SIX4: variants seen among roughly 807,000 people sequenced by gnomAD.
The protein encoded by SIX4 is homeobox protein SIX4.
Under a neutral mutation model 51.5 loss-of-function variants are expected in SIX4, and 23 were observed. The observed-to-expected ratio is 0.45, with a 90% CI of 0.32 to 0.63. The LOEUF (loss-of-function observed/expected upper bound fraction) is 0.63, where lower values mean the gene tolerates loss of function less well. Among genes scored for constraint, SIX4 ranks in the 30% least tolerant of loss-of-function variants. The probability of loss-of-function intolerance (pLI) is 0.04; values close to 1 mark genes in which losing one functional copy is unlikely to be tolerated. For synonymous variants in SIX4, 413 were observed against 417.3 expected, an observed-to-expected ratio of 0.99 and a Z score of 0.13; for missense variants, 867 against 984.0, an observed-to-expected ratio of 0.88 and a Z score of 1.59.
chr14:60,724,264 T>G lies in SIX4; in HGVS notation c.-190A>C, dbSNP rs1896097857. Reference sequence around the variant, plus strand: ...CCCGGCCACGCAGTCACCATTAAGATAGCTGTTAGAGCAAAGTAGTGTAAA... The same window carrying G: ...CCCGGCCACGCAGTCACCATTAAGAGAGCTGTTAGAGCAAAGTAGTGTAAA... On this transcript the variant is annotated 5_prime_UTR_variant, in exon 1 of 3. Coordinates refer to ENST00000216513, the MANE Select transcript of SIX4 (RefSeq NM_017420.5). 24 of 1,533,352 alleles carry G rather than the reference T, an allele frequency of 1.6e-5. No individual in the cohort carries two copies. The highest frequency in any genetic ancestry group is 2.0e-5 in the Non-Finnish European group (23 of 1,145,468). The allele number at this position is 1,533,352 out of a possible 1,614,324, so 95.0% of individuals were successfully genotyped here. A position where few individuals can be genotyped will look rare whatever the true frequency, so the allele number is the denominator to read the frequency against.
At position 60,714,115 on chromosome 14, in the gene SIX4, G is replaced by C. The variant is rs755679632; in HGVS notation, c.1638C>G (p.Ser546Arg). 5.0e-6 allele frequency: 8 copies of C among 1,613,974 alleles called. No homozygotes were observed. The East Asian group carries it at 1.8e-4, about 36-fold the overall frequency. Residue 546 changes from serine (S) to arginine (R), a missense_variant, in exon 3 of 3, where the codon AGC (serine) becomes AGG (arginine). By Grantham distance (110) the Ser-to-Arg change is moderately radical (BLOSUM62 -1). Transcript: ENST00000216513. ...TTVQQGKVFL[S>R]SLAPSAVVYT... ...ATACCACTGCACTGGGAGCAAGAGA[G>C]CTCAAGAAAACCTTTCCTTGCTGGA...
At position 60,723,748 on chromosome 14, in the gene SIX4, C is replaced by G. The variant is rs767837836; in HGVS notation, c.327G>C (p.Ser109=). 12 of 1,542,718 alleles carry G rather than the reference C, an allele frequency of 7.8e-6. No homozygotes were observed. Among genetic ancestry groups the G allele is most frequent in the Non-Finnish European group, 7.0e-6 (8 of 1,147,382 alleles). The part of the protein sequence containing the change: ...AAAAQTPLAF[S]PDHVACVCEA... Reference sequence around the variant, plus strand: ...CGCACACGCAGGCGACGTGGTCGGGCGAGAAGGCCAGCGGGGTCTGCGCGG... The same window carrying G: ...CGCACACGCAGGCGACGTGGTCGGGGGAGAAGGCCAGCGGGGTCTGCGCGG... The change falls in exon 1 of 3, where the codon TCG becomes TCC. Residue 109 remains serine (S), a synonymous_variant. Coordinates refer to ENST00000216513, the MANE Select transcript of SIX4 (RefSeq NM_017420.5).
rs767902496 is a variant in SIX4, at chr14:60,723,595, G to T, written c.480C>A (p.Gly160=). ...KARALVAFHQ[G]IYPELYSILE... is the part of the protein sequence containing the mutation. ...GGATGCTGTAGAGCTCGGGGTAGAT[G>T]CCCTGGTGGAAGGCCACGAGCGCCC... Residue 160 remains glycine, a synonymous_variant, in exon 1 of 3, where the codon GGC becomes GGA. Transcript: ENST00000216513. 1.2e-6 allele frequency: 2 copies of T among 1,611,088 alleles called. No individual in the cohort carries two copies. Among genetic ancestry groups the T allele is most frequent in the East Asian group, 2.2e-5 (1 of 44,724 alleles).
In SIX4 at chr14:60,724,302, T is replaced by A; in HGVS notation, c.-228A>T. 6.6e-7 allele frequency: 1 copy of A among 1,517,252 alleles called. No individual in the cohort carries two copies. Among genetic ancestry groups the A allele is most frequent in the Non-Finnish European group, 8.8e-7 (1 of 1,135,006 alleles). The allele number at this position is 1,517,252 out of a possible 1,614,324, so 94.0% of individuals were successfully genotyped here. A position where few individuals can be genotyped will look rare whatever the true frequency, so the allele number is the denominator to read the frequency against. On this transcript the variant is annotated 5_prime_UTR_variant, in exon 1 of 3. It introduces an in-frame stop codon into an upstream open reading frame of the 5' UTR. Transcript: ENST00000216513. ...AAAGTAGTGTAAACGGATAGCTGCT[T>A]TCTGCCGTTCCCCCAACGTGACTCC... is the stretch of plus-strand genomic sequence containing the variant.
In SIX4 at chr14:60,713,748, G is replaced by T. The variant is rs150247816; in HGVS notation, c.2005C>A (p.Leu669Ile). The T allele has an allele frequency of 2.1e-5, 34 of 1,614,094 alleles. No homozygotes were observed. The highest frequency in any genetic ancestry group is 2.9e-5 in the Non-Finnish European group (34 of 1,180,054). ...GACAATAGGTCTTGACCAGTAATAA[G>T]GGAGCAGTTCTGAAGAGTTGCATAG... is the stretch of plus-strand genomic sequence containing the variant. ...TNYATLQNCS[L>I]ITGQDLLSVP... The change falls in exon 3 of 3, where the codon CTT becomes ATT. Residue 669 changes from leucine to isoleucine, a missense_variant. Coordinates refer to ENST00000216513, the MANE Select transcript of SIX4 (RefSeq NM_017420.5).
In SIX4 at chr14:60,724,095, C is replaced by T. The variant is rs550379199; in HGVS notation, c.-21G>A. ...GACATTTTTTGTTGTTTATTTTCCTCCCTCCCTCACTCCCTCGCACTCTTT... is the reference window on the plus strand; with the variant it reads ...GACATTTTTTGTTGTTTATTTTCCTTCCTCCCTCACTCCCTCGCACTCTTT... On this transcript the variant is annotated 5_prime_UTR_variant, in exon 1 of 3. Coordinates refer to ENST00000216513, the MANE Select transcript of SIX4 (RefSeq NM_017420.5). 8 of 1,564,310 alleles carry T rather than the reference C, an allele frequency of 5.1e-6. No homozygotes were observed. The East Asian group carries it at 1.8e-4, about 35-fold the overall frequency.
At position 60,720,285 on chromosome 14, in the gene SIX4, A is replaced by G. The variant is rs1895997920; in HGVS notation, c.1024T>C (p.Ser342Pro). 6.2e-6 allele frequency: 10 copies of G among 1,614,082 alleles called. No individual in the cohort carries two copies. Among genetic ancestry groups the G allele is most frequent in the South Asian group, 1.1e-5 (1 of 91,084 alleles). Reference protein sequence around the residue: ...YMQQIGNAKISLSSSGVLLNG... With the variant: ...YMQQIGNAKIPLSSSGVLLNG... ...AACAGAACTCCAGAAGAGCTTAATGATATCTTAGCATTTCCAATTTGTTGC... is the reference window on the plus strand; with the variant it reads ...AACAGAACTCCAGAAGAGCTTAATGGTATCTTAGCATTTCCAATTTGTTGC... Residue 342 changes from serine (S) to proline (P), a missense_variant, in exon 2 of 3, where the codon TCA becomes CCA. Ser to Pro is a moderately conservative substitution (Grantham distance 74). Transcript: ENST00000216513. The surrounding 1 kb of genome is among the most constrained non-coding windows in gnomAD (Gnocchi z 5.5).
chr14:60,721,075 A>C (rs1228186607), intron 1 of SIX4: 1 of 985,534 alleles, frequency 1.0e-6, no homozygotes, highest in Non-Finnish European at 1.2e-6. Context: ...ACCCAAGAAC[A>C]GTTATGTGCA....
intron 1 of SIX4, among the ~76,000 whole-genome samples, chr14:60,721,661 G>T (rs1265044507): frequency 6.6e-6 from 1 of 152,084 alleles, no homozygotes; most frequent in Non-Finnish European, 1.5e-5. Context: ...GAAGAAGCCA[G>T]CAGTGGAGCG....
rs775226202 is a variant in SIX4, at chr14:60,710,877, G to A, written c.*2530C>T. 5 of 152,512 alleles carry A rather than the reference G, an allele frequency of 3.3e-5. No individual in the cohort carries two copies. The highest frequency in any genetic ancestry group is 9.7e-5 in the African/African-American group (4 of 41,420). The allele number at this position is 152,512 out of a possible 1,614,324, so 9.4% of individuals were successfully genotyped here. The stretch of plus-strand genomic sequence containing the variant: ...TAGGGTTATAATTACATCATGGTGG[G>A]AATATGAATGGGTTTCCTAGGTAAG... On this transcript the variant is annotated 3_prime_UTR_variant, in exon 3 of 3. Coordinates refer to ENST00000216513, the MANE Select transcript of SIX4 (RefSeq NM_017420.5).
chr14:60,723,958 C>T lies in SIX4; in HGVS notation c.117G>A (p.Ala39=), dbSNP rs750499284. The change falls in exon 1 of 3, where the codon GCG becomes GCA. Residue 39 remains alanine, a synonymous_variant. Coordinates refer to ENST00000216513, the MANE Select transcript of SIX4 (RefSeq NM_017420.5). ...QEAHREVAGG[A]AVGLSPPAPA... is the part of the protein sequence containing the mutation. ...GAGCCGGGGGGCTCAGCCCTACCGCCGCGCCCCCCGCCACTTCTCGGTGCG... is the reference window on the plus strand; with the variant it reads ...GAGCCGGGGGGCTCAGCCCTACCGCTGCGCCCCCCGCCACTTCTCGGTGCG... The T allele has an allele frequency of 6.6e-7, 1 of 1,507,944 alleles. No individual in the cohort carries two copies. The highest frequency in any genetic ancestry group is 2.3e-5 in the East Asian group (1 of 42,744). 93.4% of individuals were successfully genotyped at this position (1,507,944 alleles called of 1,614,324 possible).
chr14:60,714,079 A>G lies in SIX4; in HGVS notation c.1674T>C (p.Pro558=), dbSNP rs761962147. ...LAPSAVVYTV[P]NTGQTIGSVK... is the part of the protein sequence containing the mutation. Reference sequence around the variant, plus strand: ...CAGATCCTATAGTCTGGCCTGTATTAGGAACCGTGTATACCACTGCACTGG... The same window carrying G: ...CAGATCCTATAGTCTGGCCTGTATTGGGAACCGTGTATACCACTGCACTGG... The change falls in exon 3 of 3, where the codon CCT becomes CCC. Residue 558 remains proline (P), a synonymous_variant. Transcript: ENST00000216513. 7 of 1,614,178 alleles carry G rather than the reference A, an allele frequency of 4.3e-6. No homozygotes were observed. The highest frequency in any genetic ancestry group is 1.3e-5 in the African/African-American group (1 of 75,060).
Position 60,722,074 on chromosome 14 carries a change from CG to C in SIX4, c.863+1137del, listed in dbSNP as rs982617600. 2.6e-5 allele frequency among the ~76,000 whole-genome samples: 4 copies of C among 152,178 alleles called. No individual in the cohort carries two copies. Among genetic ancestry groups the C allele is most frequent in the Non-Finnish European group, 5.9e-5 (4 of 68,024 alleles). On this transcript the variant is annotated intron_variant, in intron 1 of 2. Coordinates refer to ENST00000216513, the MANE Select transcript of SIX4 (RefSeq NM_017420.5). This position sits in a 1 kb window ranked among gnomAD's most constrained non-coding sequence, Gnocchi z 5.9. ...GGTGATCACCTTCACCTGGCGCAGG[CG>C]GGCTGGATCCCCGGCTCCCAGTTTG... is the stretch of plus-strand genomic sequence containing the variant.
rs1896004942 is a variant in SIX4, at chr14:60,720,690, C to T, written c.864-245G>A. 6.6e-6 allele frequency among the ~76,000 whole-genome samples: 1 copy of T among 152,190 alleles called. No individual in the cohort carries two copies. Among genetic ancestry groups the T allele is most frequent in the Non-Finnish European group, 1.5e-5 (1 of 68,030 alleles). On this transcript the variant is annotated intron_variant, in intron 1 of 2. Coordinates refer to ENST00000216513, the MANE Select transcript of SIX4 (RefSeq NM_017420.5). This position sits in a 1 kb window ranked among gnomAD's most constrained non-coding sequence, Gnocchi z 5.5. The stretch of plus-strand genomic sequence containing the variant: ...AAATAACAATAAATTCAGGGAAAGT[C>T]CAGACATCTGCAAGATGTAAATTCA...
intron 2 of SIX4, chr14:60,718,140 T>G (rs1177197219): frequency 6.4e-6 from 1 of 155,342 alleles, no homozygotes; most frequent in Non-Finnish European, 1.5e-5. Context: ...GTCAAGACAT[T>G]TTAAAGAATG....
At chr14:60,714,284 G>T in intron 2 of SIX4, 81 bp from the exon 3 acceptor site, 2 of 1,234,298 alleles carry the variant, frequency 1.6e-6, no homozygotes, top group Non-Finnish European at 2.2e-6. Flanking sequence ...TTTTTCTCAG[G>T]TACAGTATCT....
At position 60,713,556 on chromosome 14, in the gene SIX4, C is replaced by G; in HGVS notation, c.2197G>C (p.Ala733Pro). ...TCCAGCATCATTAAGCTACTTGTTG[C>G]TTTGCTCTCAGAATTTGATAAGAAA... is the stretch of plus-strand genomic sequence containing the variant. ...ENFLSNSESK[A>P]TSSLMMLDSK... The change falls in exon 3 of 3, where the codon GCA becomes CCA. Residue 733 changes from alanine (A) to proline (P), a missense_variant. By Grantham distance (27) the Ala-to-Pro change is conservative. Coordinates refer to ENST00000216513, the MANE Select transcript of SIX4 (RefSeq NM_017420.5). 6.2e-7 allele frequency: 1 copy of G among 1,614,208 alleles called. No homozygotes were observed. The highest frequency in any genetic ancestry group is 8.5e-7 in the Non-Finnish European group (1 of 1,180,036).
At chr14:60,714,904 T>G (rs1222568223) in intron 2 of SIX4, among the ~76,000 whole-genome samples, 2 of 148,972 alleles carry the variant, frequency 1.3e-5, no homozygotes, top group Non-Finnish European at 1.5e-5. Flanking sequence ...GACCTTGTGA[T>G]CCACCCACCT....
Position 60,713,739 on chromosome 14 carries a change from C to T in SIX4, c.2014G>A (p.Gly672Ser), listed in dbSNP as rs760067456. 2.5e-6 allele frequency: 4 copies of T among 1,614,030 alleles called. No homozygotes were observed. Among genetic ancestry groups the T allele is most frequent in the South Asian group, 1.1e-5 (1 of 91,074 alleles). The change falls in exon 3 of 3, where the codon GGT (glycine) becomes AGT (serine). Residue 672 changes from glycine to serine, a missense_variant. Coordinates refer to ENST00000216513, the MANE Select transcript of SIX4 (RefSeq NM_017420.5). ...ATLQNCSLIT[G>S]QDLLSVPMTQ... is the part of the protein sequence containing the mutation. ...ATAGGGACTGACAATAGGTCTTGAC[C>T]AGTAATAAGGGAGCAGTTCTGAAGA...
Sources: gnomAD v4.1 joint callset for allele counts (sites outside exome capture counted in the v4.1 genomes callset) on GRCh38, gnomAD v4.1.1 for gene constraint, Gnocchi (gnomAD v3.1) non-coding constraint, MANE v1.5 for transcripts, NCBI Gene and HGNC (gene_info 2026-07-23, HGNC 2026-07-21) for gene names.